Variants in RPS6KA2 observed in about 807,000 individuals in gnomAD.
RPS6KA2 encodes the protein ribosomal protein S6 kinase alpha-2.
RPS6KA2 carries 42 observed loss-of-function variants against 91.8 expected under a neutral mutation model. The ratio of observed to expected loss-of-function variants is 0.46; its 90% confidence interval spans 0.36 to 0.59. The LOEUF is 0.59. RPS6KA2 is among the 20% of genes least tolerant of loss of function. The probability of loss-of-function intolerance (pLI) is 0.00; values close to 1 mark genes in which losing one functional copy is unlikely to be tolerated. For synonymous variants in RPS6KA2, 414 were observed against 393.6 expected (o/e 1.05, Z -0.61); for missense variants, 798 against 978.5 (o/e 0.82, Z 2.46).
chr6:166,713,964 C>T (rs1486481362), intron 2 of RPS6KA2, among the ~76,000 whole-genome samples: 3 of 152,220 alleles, frequency 2.0e-5, no homozygotes, highest in Non-Finnish European at 4.4e-5. Flanking sequence ...AGTCCCAGTG[C>T]TTCATACCTC....
At chr6:166,835,762 A>G (rs991233053) in intron 2 of RPS6KA2, among the ~76,000 whole-genome samples, 2 of 152,204 alleles carry the variant, frequency 1.3e-5, no homozygotes, top group African/African-American at 4.8e-5. Flanking sequence ...TGCACTACCA[A>G]TAATTTTCAG....
At chr6:166,594,624 A>G (rs759247703) in intron 1 of RPS6KA2, among the ~76,000 whole-genome samples, 18 of 152,090 alleles carry the variant, frequency 1.2e-4, no homozygotes, top group African/African-American at 3.6e-4. Context: ...CACGATGCCC[A>G]GCTAATTTTT....
At chr6:166,505,799 G>A (rs552234440) in intron 5 of RPS6KA2, among the ~76,000 whole-genome samples, 17 of 152,310 alleles carry the variant, frequency 1.1e-4, no homozygotes, top group African/African-American at 2.2e-4. Context: ...CGCCTTTCCC[G>A]GATGTATGTT....
rs537312861 is a variant in RPS6KA2, at chr6:166,582,453, T to A, written c.100-43669A>T. ...GACTGTTCACAGCTGCTCACCACCA[T>A]GACCTCATTAGTTGGGCGGAGATGA... On this transcript the variant is annotated intron_variant, in intron 1 of 20. Transcript: ENST00000265678. Among the ~76,000 whole-genome samples, 218 of 152,370 alleles carry A rather than the reference T, an allele frequency of 1.4e-3. 4 individuals carry two copies. The South Asian group carries it at 0.022, about 15-fold the overall frequency.
chr6:166,736,826 C>T (rs897284093), intron 2 of RPS6KA2, among the ~76,000 whole-genome samples: 1 of 152,196 alleles, frequency 6.6e-6, no homozygotes, highest in Non-Finnish European at 1.5e-5. Context: ...TCAGAGGGAG[C>T]CCGAGAAGCC....
At chr6:166,565,058 C>T (rs1204236973) in intron 1 of RPS6KA2, among the ~76,000 whole-genome samples, 4 of 152,188 alleles carry the variant, frequency 2.6e-5, no homozygotes, top group Non-Finnish European at 4.4e-5. Context: ...CACCAAGAGC[C>T]ACTTGGCGAA....
chr6:166,646,873 C>T (rs1231180245), intron 2 of RPS6KA2, among the ~76,000 whole-genome samples: 5 of 152,200 alleles, frequency 3.3e-5, no homozygotes, highest in African/African-American at 1.2e-4. Flanking sequence ...CTTCTCAGGC[C>T]GTGGTGGGTG....
At chr6:166,757,649 C>T (rs1003470282) in intron 2 of RPS6KA2, 12 of 455,950 alleles carry the variant, frequency 2.6e-5, no homozygotes, top group Non-Finnish European at 4.0e-5. Flanking sequence ...AGCCGCCACT[C>T]CTTTTATCAC....
intron 19 of RPS6KA2, among the ~76,000 whole-genome samples, chr6:166,417,454 C>G (rs752299193): frequency 6.6e-6 from 1 of 152,198 alleles, no homozygotes; most frequent in African/African-American, 2.4e-5. Context: ...AGGAAAAAGA[C>G]TGCTCCCCTG....
At chr6:166,611,706 C>T (rs1045013416) in intron 1 of RPS6KA2, among the ~76,000 whole-genome samples, 4 of 152,216 alleles carry the variant, frequency 2.6e-5, no homozygotes, top group African/African-American at 9.7e-5. Context: ...TGTGGATTTC[C>T]CAGCTCTTTC....
In RPS6KA2 at chr6:166,495,185, A is replaced by C. The variant is rs973278312; in HGVS notation, c.747+3323T>G. Reference sequence around the variant, plus strand: ...GTTTTCATTTCTGTGCACAGAAAGAATACCGTCTTTCCTGCCCGGCTTGGA... The same window carrying C: ...GTTTTCATTTCTGTGCACAGAAAGACTACCGTCTTTCCTGCCCGGCTTGGA... On this transcript the variant is annotated intron_variant, in intron 8 of 20. Coordinates refer to ENST00000265678, the MANE Select transcript of RPS6KA2 (RefSeq NM_021135.6). This position sits in a 1 kb window ranked among gnomAD's most constrained non-coding sequence, Gnocchi z 4.4. 2.0e-5 allele frequency among the ~76,000 whole-genome samples: 3 copies of C among 152,198 alleles called. No homozygotes were observed. Among genetic ancestry groups the C allele is most frequent in the African/African-American group, 4.8e-5 (2 of 41,450 alleles).
At chr6:166,681,114 C>T (rs12199100) in intron 2 of RPS6KA2, among the ~76,000 whole-genome samples, 62,434 of 151,958 alleles carry the variant, frequency 0.41, 14,601 homozygotes, top group African/African-American at 0.65. Flanking sequence ...GTGGAAAGGG[C>T]AGAGAGGCAG....
chr6:166,694,488 T>TA (rs1187582742), intron 2 of RPS6KA2, among the ~76,000 whole-genome samples: 2 of 152,190 alleles, frequency 1.3e-5, no homozygotes, highest in Admixed American at 6.5e-5. Context: ...ACGTCCAGGA[T>TA]AAAAAAATGT....
Position 166,792,989 on chromosome 6 carries a change from T to C in RPS6KA2, c.123+65211A>G, listed in dbSNP as rs1375020744. The stretch of plus-strand genomic sequence containing the variant: ...TCACCACTCCTAGTCAACATAGTGT[T>C]GGAAGTTCTGGCCAGGGCAATTAGG... On this transcript the variant is annotated intron_variant, in intron 2 of 21. Coordinates refer to the RPS6KA2 transcript ENST00000503859. Among the ~76,000 whole-genome samples the C allele has an allele frequency of 4.6e-5, 7 of 152,206 alleles. No homozygotes were observed. In the East Asian group the frequency reaches 1.2e-3, roughly 25 times the overall value.
chr6:166,514,602 T>C (rs951691894), intron 3 of RPS6KA2, among the ~76,000 whole-genome samples: 11 of 152,080 alleles, frequency 7.2e-5, no homozygotes, highest in Non-Finnish European at 1.6e-4. Flanking sequence ...CATGGGGGCC[T>C]GGGGAGCCAA....
intron 1 of RPS6KA2, among the ~76,000 whole-genome samples, chr6:166,552,449 G>T (rs927290990): frequency 7.9e-5 from 12 of 152,198 alleles, no homozygotes; most frequent in African/African-American, 2.7e-4. Context: ...AAAGATGTGG[G>T]CTTGAGAACT....
intron 2 of RPS6KA2, among the ~76,000 whole-genome samples, chr6:166,783,177 C>G (rs554126146): frequency 1.3e-5 from 2 of 151,640 alleles, no homozygotes; most frequent in South Asian, 4.2e-4. Context: ...CAGCCTCGAC[C>G]TCCTGGAATC....
At chr6:166,663,755 T>C (rs1193597701) in intron 2 of RPS6KA2, among the ~76,000 whole-genome samples, 1 of 152,106 alleles carries the variant, frequency 6.6e-6, no homozygotes, top group Non-Finnish European at 1.5e-5. Flanking sequence ...TCAGGGTGGA[T>C]GGGAGGATGA....
At chr6:166,778,305 C>G (rs972222167) in intron 2 of RPS6KA2, among the ~76,000 whole-genome samples, 3 of 152,248 alleles carry the variant, frequency 2.0e-5, no homozygotes, top group Admixed American at 6.5e-5. Context: ...ACTGACTGAT[C>G]AACCTCATAC....
Sources: allele counts gnomAD v4.1 joint callset (sites outside exome capture counted in the v4.1 genomes callset), GRCh38; gene constraint gnomAD v4.1.1; non-coding constraint Gnocchi (gnomAD v3.1); transcripts MANE v1.5; gene names NCBI Gene and HGNC (gene_info 2026-07-23, HGNC 2026-07-21).